Variants in CYP4Z1 observed in about 807,000 individuals in gnomAD.
CYP4Z1 encodes the protein cytochrome P450 4Z1.
A neutral mutation model predicts 54.2 loss-of-function variants in CYP4Z1; 41 were observed. That is an observed-to-expected ratio of 0.76 (90% confidence interval 0.59 to 0.98). CYP4Z1 has a LOEUF of 0.98. CYP4Z1 is among the 50% of genes least tolerant of loss of function. The pLI is 0.00. For missense variants in CYP4Z1, 513 were observed against 599.0 expected (o/e 0.86, Z 1.50); for synonymous variants, 163 against 206.2 (o/e 0.79, Z 1.79).
At chr1:47,098,873 C>T (rs574187473) in intron 7 of CYP4Z1, among the ~76,000 whole-genome samples, 1 of 152,294 alleles carries the variant, frequency 6.6e-6, no homozygotes, top group Non-Finnish European at 1.5e-5. Context: ...ATAGGACTCT[C>T]AATTTATTCT....
chr1:47,098,539 T>C (rs1473956131), intron 7 of CYP4Z1, among the ~76,000 whole-genome samples: 1 of 152,262 alleles, frequency 6.6e-6, no homozygotes. Context: ...TTCAATATTT[T>C]GTCTATTCAA....
At chr1:47,082,636 A>G (rs554997796) in intron 4 of CYP4Z1, among the ~76,000 whole-genome samples, 175 bp downstream of exon 4, 2,618 of 151,856 alleles carry the variant, frequency 0.017, 61 homozygotes, top group African/African-American at 0.061. Context: ...TTGTATACCC[A>G]ACACTTCTCA....
At chr1:47,078,349 G>A (rs1644540242) in intron 2 of CYP4Z1, among the ~76,000 whole-genome samples, 1 of 151,818 alleles carries the variant, frequency 6.6e-6, no homozygotes, top group Non-Finnish European at 1.5e-5. Flanking sequence ...TTCAGTTACT[G>A]TATACTCCAG....
upstream of CYP4Z1, among the ~76,000 whole-genome samples, chr1:47,066,551 C>A (rs1644452293): frequency 6.6e-6 from 1 of 152,130 alleles, no homozygotes; most frequent in Non-Finnish European, 1.5e-5. Context: ...CCACAGCCAA[C>A]ATTATACTGA....
At chr1:47,087,680 C>G (rs1644607077) in intron 6 of CYP4Z1, among the ~76,000 whole-genome samples, 1 of 152,132 alleles carries the variant, frequency 6.6e-6, no homozygotes, top group Non-Finnish European at 1.5e-5. Flanking sequence ...ATTGAATGCC[C>G]TTTATTTCTT....
At chr1:47,110,870 A>G (rs1207361677) in intron 9 of CYP4Z1, among the ~76,000 whole-genome samples, 1 of 151,608 alleles carries the variant, frequency 6.6e-6, no homozygotes, top group Non-Finnish European at 1.5e-5. Context: ...AAAATCTCTG[A>G]CCCATGTTAA....
intron 10 of CYP4Z1, among the ~76,000 whole-genome samples, chr1:47,116,082 A>T (rs1644827849): frequency 6.6e-6 from 1 of 152,094 alleles, no homozygotes; most frequent in Non-Finnish European, 1.5e-5. Flanking sequence ...GGCCTGGGAG[A>T]GAACAAGCAC....
At chr1:47,105,740 C>T (rs1644752037) in intron 8 of CYP4Z1, among the ~76,000 whole-genome samples, 1 of 152,170 alleles carries the variant, frequency 6.6e-6, no homozygotes, top group African/African-American at 2.4e-5. Flanking sequence ...ATCTTAGAGC[C>T]ACATCCCTAT....
intron 4 of CYP4Z1, 115 bp from the exon 5 acceptor site, chr1:47,084,505 C>T: frequency 6.9e-7 from 1 of 1,455,706 alleles, no homozygotes; most frequent in Non-Finnish European, 9.2e-7. Context: ...AAGGCAAATT[C>T]ATTTTGTACG....
At position 47,068,249 on chromosome 1, in the gene CYP4Z1, T is replaced by C. The variant is rs55774721; in HGVS notation, c.178-373T>C. Among the ~76,000 whole-genome samples, 725 of 152,312 alleles carry C rather than the reference T, an allele frequency of 4.8e-3. 3 individuals are homozygous for C. Among genetic ancestry groups the C allele is most frequent in the Middle Eastern group, 0.01 (3 of 294 alleles). ...GTGCCAGGAATTTTATGTTTATAAT[T>C]TCACTTAATTTTCATGGCAGCTTTG... On this transcript the variant is annotated intron_variant, in intron 1 of 11. Coordinates refer to ENST00000334194, the MANE Select transcript of CYP4Z1 (RefSeq NM_178134.3).
intron 4 of CYP4Z1, among the ~76,000 whole-genome samples, chr1:47,082,904 G>T (rs1044342053): frequency 6.6e-6 from 1 of 150,934 alleles, no homozygotes; most frequent in African/African-American, 2.4e-5. Flanking sequence ...AGATGGCCTT[G>T]TGGTCAAGGA....
chr1:47,106,409 G>T, intron 9 of CYP4Z1, 148 bp downstream of exon 9: 1 of 1,088,816 alleles, frequency 9.2e-7, no homozygotes, highest in South Asian at 1.7e-5. Context: ...AAAGAGGATA[G>T]AGCTCTCAGG....
At chr1:47,087,253 G>A (rs543220442) in intron 6 of CYP4Z1, among the ~76,000 whole-genome samples, 1 of 152,244 alleles carries the variant, frequency 6.6e-6, no homozygotes, top group East Asian at 1.9e-4. Context: ...TAGCTTGATG[G>A]GGATGGCATT....
Position 47,090,651 on chromosome 1 carries a change from C to G in CYP4Z1, c.773-3915C>G, listed in dbSNP as rs566428491. On this transcript the variant is annotated intron_variant, in intron 6 of 11. Coordinates refer to ENST00000334194, the MANE Select transcript of CYP4Z1 (RefSeq NM_178134.3). ...AGAGGGACTGAGTAAGATAAGTAGC[C>G]GTCACTCAGTTACTTATCTTTCATG... Among the ~76,000 whole-genome samples, 4 of 152,258 alleles carry G rather than the reference C, an allele frequency of 2.6e-5. No individual in the cohort carries two copies. The South Asian group carries it at 8.3e-4, about 32-fold the overall frequency.
At chr1:47,087,454 G>A (rs1435738247) in intron 6 of CYP4Z1, among the ~76,000 whole-genome samples, 1 of 152,132 alleles carries the variant, frequency 6.6e-6, no homozygotes, top group Admixed American at 6.5e-5. Context: ...TCTCTTTGAA[G>A]CAATTGTAAA....
the CYP4Z1 span, among the ~76,000 whole-genome samples, chr1:47,057,335 A>AAAAAAAAAAAAAAAAAT: frequency 3.9e-4 from 11 of 28,464 alleles, no homozygotes; most frequent in East Asian, 9.7e-4. Context: ...AAGAAAAAAA[A>AAAAAAAAAAAAAAAAAT]ATATATATAT....
intron 1 of CYP4Z1, among the ~76,000 whole-genome samples, chr1:47,067,943 C>G (rs1307776694): frequency 6.6e-6 from 1 of 152,210 alleles, no homozygotes; most frequent in Non-Finnish European, 1.5e-5. Flanking sequence ...TCTTCTGATT[C>G]AAGGCCAAGG....
At chr1:47,100,555 G>C (rs1003370575) in intron 8 of CYP4Z1, among the ~76,000 whole-genome samples, 1 of 152,100 alleles carries the variant, frequency 6.6e-6, no homozygotes, top group African/African-American at 2.4e-5. Flanking sequence ...GTTGGTGTTG[G>C]TTATCAAATC....
chr1:47,089,794 C>A (rs1215935591), intron 6 of CYP4Z1, among the ~76,000 whole-genome samples: 3 of 152,256 alleles, frequency 2.0e-5, no homozygotes, highest in Admixed American at 6.5e-5. Flanking sequence ...GCCTTTCTCC[C>A]ACACAACGCC....
Sources: gnomAD v4.1 joint callset for allele counts (sites outside exome capture counted in the v4.1 genomes callset) on GRCh38, gnomAD v4.1.1 for gene constraint, MANE v1.5 for transcripts, NCBI Gene and HGNC (gene_info 2026-07-23, HGNC 2026-07-21) for gene names.